GML: variants seen among roughly 807,000 people sequenced by gnomAD.
GML encodes the protein glycosylphosphatidylinositol anchored molecule like.
GML carries 5 observed loss-of-function variants against 8.2 expected under a neutral mutation model. That is an observed-to-expected ratio of 0.61 (90% confidence interval 0.32 to 1.28). The LOEUF (loss-of-function observed/expected upper bound fraction) is 1.28, where lower values mean the gene tolerates loss of function less well. Among genes scored for constraint, GML ranks in the 50% most tolerant of loss-of-function variants. The pLI, the probability that GML is intolerant of heterozygous loss-of-function variation, is 0.06. For synonymous variants in GML, 72 were observed against 69.0 expected (o/e 1.04, Z -0.22); for missense variants, 191 against 198.3 (o/e 0.96, Z 0.22).
chr8:142,842,716 G>A (rs997040032), intron 3 of GML, among the ~76,000 whole-genome samples: 3 of 152,138 alleles, frequency 2.0e-5, no homozygotes, highest in African/African-American at 7.2e-5. Context: ...CAGGCATTTG[G>A]CCACTGGCCT....
At chr8:142,844,606 T>C (rs1816481339) in intron 3 of GML, among the ~76,000 whole-genome samples, 1 of 139,054 alleles carries the variant, frequency 7.2e-6, no homozygotes, top group South Asian at 2.1e-4. Flanking sequence ...TATGAATTAA[T>C]AAAAAACTGA....
chr8:142,840,221 A>G (rs1257420971), intron 1 of GML, among the ~76,000 whole-genome samples, 195 bp from the exon 2 acceptor site: 1 of 152,206 alleles, frequency 6.6e-6, no homozygotes, highest in Non-Finnish European at 1.5e-5. Context: ...GTGAGGGCAC[A>G]GGCCTGGCGA....
At chr8:142,839,051 T>A (rs535778388) in intron 1 of GML, among the ~76,000 whole-genome samples, 3 of 152,282 alleles carry the variant, frequency 2.0e-5, no homozygotes, top group Admixed American at 1.3e-4. Flanking sequence ...AGGGCCTCAG[T>A]GTACATGCTC....
intron 1 of GML, among the ~76,000 whole-genome samples, chr8:142,839,916 T>C (rs1816401310): frequency 6.6e-6 from 1 of 152,166 alleles, no homozygotes; most frequent in African/African-American, 2.4e-5. Flanking sequence ...ACACTGAGGA[T>C]GCCTTCAAGT....
intron 1 of GML, among the ~76,000 whole-genome samples, chr8:142,836,914 A>G (rs1270312951): frequency 1.3e-5 from 2 of 152,214 alleles, no homozygotes; most frequent in Non-Finnish European, 2.9e-5. Context: ...ACTTTCTGAA[A>G]TTGAAATCTT....
chr8:142,842,112 T>A (rs1816442691), intron 3 of GML, among the ~76,000 whole-genome samples: 1 of 152,154 alleles, frequency 6.6e-6, no homozygotes, highest in African/African-American at 2.4e-5. Flanking sequence ...CATGATGTTC[T>A]CGTGATAGTG....
rs201791514 is a variant in GML at position 142,846,736 on chromosome 8, G to C, written c.*46G>C. 1 of 1,393,662 alleles carries C rather than the reference G, an allele frequency of 7.2e-7. No individual in the cohort carries two copies. The highest frequency in any genetic ancestry group is 1.0e-6 in the Non-Finnish European group (1 of 993,616). 86.3% of individuals were successfully genotyped at this position (1,393,662 alleles called of 1,614,324 possible). A position where few individuals can be genotyped will look rare whatever the true frequency, so the allele number is the denominator to read the frequency against. On this transcript the variant is annotated 3_prime_UTR_variant, in exon 4 of 4. Coordinates refer to ENST00000220940, the MANE Select transcript of GML (RefSeq NM_002066.3). ...TGACCATCTTCACCTGTTCCGCAGA[G>C]AAATGTTGCTCTCCATTATTCCCTT... is the stretch of plus-strand genomic sequence containing the variant.
chr8:142,840,334 T>C, intron 1 of GML, 82 bp from the exon 2 acceptor site: 1 of 832,294 alleles, frequency 1.2e-6, no homozygotes, highest in African/African-American at 1.7e-5. Flanking sequence ...GGGAGACTCA[T>C]GAGGCCGTTG....
At chr8:142,842,622 G>T (rs1816448977) in intron 3 of GML, among the ~76,000 whole-genome samples, 1 of 152,194 alleles carries the variant, frequency 6.6e-6, no homozygotes, top group Admixed American at 6.5e-5. Context: ...AAGGACACTG[G>T]TGGACTCCAA....
chr8:142,843,950 G>A (rs1466658964), intron 3 of GML, among the ~76,000 whole-genome samples: 1 of 152,178 alleles, frequency 6.6e-6, no homozygotes, highest in Non-Finnish European at 1.5e-5. Flanking sequence ...CAAAGTCTCA[G>A]CAGGGGTATG....
intron 3 of GML, among the ~76,000 whole-genome samples, chr8:142,844,013 G>A (rs1167229413): frequency 9.2e-5 from 14 of 152,114 alleles, no homozygotes; most frequent in African/African-American, 2.9e-4. Flanking sequence ...TGAAGGGCTA[G>A]GAATAACCAA....
chr8:142,844,636 A>C lies in GML; in HGVS notation c.182-1759A>C, dbSNP rs1816481659. On this transcript the variant is annotated intron_variant, in intron 3 of 3. Transcript: ENST00000220940. ...AACTGATCAATGGAAATTTAAACAA[A>C]AGGTTTAAAGGGAATTTGCCAGAAA... Among the ~76,000 whole-genome samples the C allele has an allele frequency of 2.0e-5, 3 of 152,346 alleles. No homozygotes were observed. In the South Asian group the frequency reaches 6.2e-4, roughly 32 times the overall value.
At chr8:142,839,341 G>A (rs747011390) in intron 1 of GML, among the ~76,000 whole-genome samples, 5 of 152,200 alleles carry the variant, frequency 3.3e-5, no homozygotes, top group African/African-American at 7.2e-5. Context: ...TAGGGCTAGG[G>A]GCATTTTGAA....
intron 1 of GML, among the ~76,000 whole-genome samples, chr8:142,839,524 C>T (rs1206597541): frequency 1.3e-5 from 2 of 152,158 alleles, no homozygotes; most frequent in African/African-American, 2.4e-5. Context: ...GCTCTGACCC[C>T]CTCCAGGTGG....
chr8:142,844,445 T>A (rs1178061969), intron 3 of GML, among the ~76,000 whole-genome samples: 2 of 152,166 alleles, frequency 1.3e-5, no homozygotes, highest in Non-Finnish European at 2.9e-5. Flanking sequence ...AAGAATGAAA[T>A]TGATAGGTTG....
chr8:142,840,033 C>T (rs563079068), intron 1 of GML, among the ~76,000 whole-genome samples: 2 of 148,664 alleles, frequency 1.3e-5, no homozygotes, highest in African/African-American at 2.6e-5. Flanking sequence ...GCGGAGGGAG[C>T]GGGAAGCGCG....
chr8:142,843,244 TAAA>T (rs1816459267), intron 3 of GML, among the ~76,000 whole-genome samples: 1 of 87,104 alleles, frequency 1.1e-5, no homozygotes, highest in Non-Finnish European at 2.2e-5. Flanking sequence ...ATTTTTAAAA[TAAA>T]AGGTTCATAC....
chr8:142,846,188 CAGA>C (rs1816501622), intron 3 of GML, among the ~76,000 whole-genome samples: 1 of 152,176 alleles, frequency 6.6e-6, no homozygotes, highest in Non-Finnish European at 1.5e-5. Flanking sequence ...AAACTATCTC[CAGA>C]AGAAGTTGTT....
intron 3 of GML, 76 bp downstream of exon 3, chr8:142,841,301 C>T: frequency 2.5e-6 from 2 of 786,364 alleles, no homozygotes; most frequent in South Asian, 2.8e-5. Flanking sequence ...CAGGGCCAGT[C>T]TGCTTTCTTC....
Sources: allele counts gnomAD v4.1 joint callset (sites outside exome capture counted in the v4.1 genomes callset), GRCh38; gene constraint gnomAD v4.1.1; transcripts MANE v1.5; gene names NCBI Gene and HGNC (gene_info 2026-07-23, HGNC 2026-07-21).